Variants in ZFAND3 observed in about 807,000 individuals in gnomAD.
ZFAND3 encodes the protein zinc finger AN1-type containing 3.
Under a neutral mutation model 29.6 loss-of-function variants are expected in ZFAND3, and 10 were observed. The ratio of observed to expected loss-of-function variants is 0.34; its 90% CI spans 0.21 to 0.57. The LOEUF is 0.57. Ranked by LOEUF, ZFAND3 falls within the 20% of genes least tolerant of loss-of-function variation. The probability of loss-of-function intolerance (pLI) is 0.86; values close to 1 mark genes in which losing one functional copy is unlikely to be tolerated. For missense variants in ZFAND3, 230 were observed against 304.5 expected (o/e 0.76, Z 1.82); for synonymous variants, 128 against 112.6 (o/e 1.14, Z -0.87).
chr6:37,888,186 T>A (rs1427010608), intron 1 of ZFAND3, among the ~76,000 whole-genome samples: 1 of 152,222 alleles, frequency 6.6e-6, no homozygotes, highest in East Asian at 1.9e-4. Context: ...AGAGTATGGT[T>A]AAAATTTTTG....
chr6:38,125,239 T>C (rs573074684), intron 5 of ZFAND3, among the ~76,000 whole-genome samples: 2 of 152,362 alleles, frequency 1.3e-5, no homozygotes, highest in South Asian at 4.1e-4. Context: ...GATGTGTAAG[T>C]GTTCCAGTCT....
intron 4 of ZFAND3, among the ~76,000 whole-genome samples, chr6:38,083,143 A>G (rs1035464068): frequency 6.6e-6 from 1 of 152,196 alleles, no homozygotes; most frequent in Non-Finnish European, 1.5e-5. Flanking sequence ...TTGTTTTTCT[A>G]AAGGTCACAG....
intron 2 of ZFAND3, among the ~76,000 whole-genome samples, chr6:38,051,916 A>C (rs753115789): frequency 5.3e-5 from 8 of 152,342 alleles, no homozygotes; most frequent in Non-Finnish European, 1.0e-4. Flanking sequence ...AATATGAAAC[A>C]CTGTTACAGG....
At chr6:37,958,447 C>A (rs1055794570) in intron 2 of ZFAND3, among the ~76,000 whole-genome samples, 1 of 106,768 alleles carries the variant, frequency 9.4e-6, no homozygotes. Context: ...GAACAAGACT[C>A]GGTCTCAAAA....
intron 1 of ZFAND3, among the ~76,000 whole-genome samples, chr6:37,856,520 G>A (rs568376496): frequency 7.2e-5 from 11 of 152,200 alleles, no homozygotes; most frequent in African/African-American, 2.2e-4. Flanking sequence ...TACCACCTAC[G>A]GACTTCCACC....
At chr6:37,902,536 G>C (rs1765337734) in intron 1 of ZFAND3, among the ~76,000 whole-genome samples, 1 of 152,056 alleles carries the variant, frequency 6.6e-6, no homozygotes, top group Non-Finnish European at 1.5e-5. Context: ...TATAACGTTA[G>C]TAAAAATTAT....
intron 5 of ZFAND3, 52 bp downstream of exon 5, chr6:38,116,791 C>A (rs763807869): frequency 2.5e-6 from 4 of 1,571,132 alleles, no homozygotes; most frequent in Non-Finnish European, 2.6e-6. Flanking sequence ...AACACCTTGG[C>A]CCAGCTTTGG....
At chr6:37,981,984 AGTT>A (rs1306053240) in intron 2 of ZFAND3, among the ~76,000 whole-genome samples, 2 of 152,304 alleles carry the variant, frequency 1.3e-5, no homozygotes, top group Non-Finnish European at 2.9e-5. Context: ...GGTAAATGAC[AGTT>A]TCATTCTTTT....
At chr6:38,150,542 T>G (rs189436944) in intron 5 of ZFAND3, among the ~76,000 whole-genome samples, 267 of 152,330 alleles carry the variant, frequency 1.8e-3, no homozygotes, top group African/African-American at 6.0e-3. Context: ...GGCTGAGGAA[T>G]ATAGGTGAAG....
At chr6:37,992,877 G>A (rs75337619) in intron 2 of ZFAND3, among the ~76,000 whole-genome samples, 115 of 152,060 alleles carry the variant, frequency 7.6e-4, no homozygotes, top group African/African-American at 2.7e-3. Context: ...ATCAAAGTCT[G>A]TTTTATACAG....
In ZFAND3 at chr6:38,115,632, G is replaced by A. The variant is rs185197294; in HGVS notation, c.362-940G>A. Among the ~76,000 whole-genome samples, 66 of 152,186 alleles carry A rather than the reference G, an allele frequency of 4.3e-4. No homozygotes were observed. The East Asian group carries it at 0.012, about 28-fold the overall frequency. ...GGATTATTTTGAGGAAGACTGTTTA[G>A]GAGACTCCCTTCTGGAAGTAATTTA... On this transcript the variant is annotated intron_variant, in intron 4 of 5. Coordinates refer to ENST00000287218, the MANE Select transcript of ZFAND3 (RefSeq NM_021943.3).
chr6:37,914,635 A>G (rs1343178132), intron 1 of ZFAND3, among the ~76,000 whole-genome samples: 1 of 143,450 alleles, frequency 7.0e-6, no homozygotes, highest in Admixed American at 6.9e-5. Flanking sequence ...GGTGTGACCC[A>G]TAATTATTTT....
At chr6:38,103,428 TATATATA>T (rs1562000247) in intron 4 of ZFAND3, among the ~76,000 whole-genome samples, 9,610 of 134,854 alleles carry the variant, frequency 0.071, 416 homozygotes, top group Non-Finnish European at 0.086. Flanking sequence ...TACACACACA[TATATATA>T]CACGTGTATA....
intron 1 of ZFAND3, among the ~76,000 whole-genome samples, chr6:37,889,429 A>G (rs1222022615): frequency 1.3e-5 from 2 of 152,204 alleles, no homozygotes; most frequent in African/African-American, 4.8e-5. Context: ...CTCCCCTGGC[A>G]CTGTGTCTAG....
rs187649199 is a variant in ZFAND3 at position 37,866,558 on chromosome 6, T to A, written c.71+46542T>A. 8.5e-5 allele frequency among the ~76,000 whole-genome samples: 13 copies of A among 152,360 alleles called. No homozygotes were observed. The East Asian group carries it at 2.1e-3, about 25-fold the overall frequency. On this transcript the variant is annotated intron_variant, in intron 1 of 5. Transcript: ENST00000287218. Reference sequence around the variant, plus strand: ...GAAGTTTGAAATTAAAATATTGGCTTATCCAGAAAGTAGTCATGTTAAGGC... The same window carrying A: ...GAAGTTTGAAATTAAAATATTGGCTAATCCAGAAAGTAGTCATGTTAAGGC...
intron 4 of ZFAND3, among the ~76,000 whole-genome samples, chr6:38,092,583 G>T (rs1277796773): frequency 6.6e-6 from 1 of 152,178 alleles, no homozygotes; most frequent in East Asian, 1.9e-4. Context: ...ATGATGAAGG[G>T]ATACTAGAAT....
chr6:38,069,345 G>T (rs1305646001), intron 3 of ZFAND3, among the ~76,000 whole-genome samples: 3 of 152,162 alleles, frequency 2.0e-5, no homozygotes, highest in African/African-American at 7.2e-5. Flanking sequence ...CTCTGTGTGT[G>T]TGTCTTTCTC....
chr6:37,953,416 A>G (rs372425275), intron 2 of ZFAND3, among the ~76,000 whole-genome samples: 1 of 146,532 alleles, frequency 6.8e-6, no homozygotes, highest in African/African-American at 2.5e-5. Flanking sequence ...TACTGTTGTC[A>G]TACGTTTTAC....
intron 2 of ZFAND3, among the ~76,000 whole-genome samples, chr6:38,034,995 T>G (rs1300605461): frequency 6.6e-6 from 1 of 152,134 alleles, no homozygotes; most frequent in Non-Finnish European, 1.5e-5. Flanking sequence ...TGTTAAATAG[T>G]CACAGTTTAC....
Sources: gnomAD v4.1 joint callset for allele counts (sites outside exome capture counted in the v4.1 genomes callset) on GRCh38, gnomAD v4.1.1 for gene constraint, MANE v1.5 for transcripts, NCBI Gene and HGNC (gene_info 2026-07-23, HGNC 2026-07-21) for gene names.